Variants in CNTNAP2 observed in about 807,000 individuals in gnomAD.
CNTNAP2 encodes the protein contactin associated protein 2, also known as contactin-associated protein-like 2.
In CNTNAP2, 98 loss-of-function variants were observed where a neutral mutation model predicts 155.2. The observed-to-expected ratio is 0.63, with a 90% CI of 0.54 to 0.75. The LOEUF is 0.75. CNTNAP2 is among the 30% of genes least tolerant of loss of function. The pLI is 0.00. For missense variants in CNTNAP2, 1,727 were observed against 1,688.1 expected (o/e 1.02, Z -0.40); for synonymous variants, 651 against 631.2 (o/e 1.03, Z -0.47).
chr7:146,600,964 T>C (rs1383951937), intron 1 of CNTNAP2, among the ~76,000 whole-genome samples: 1 of 152,146 alleles, frequency 6.6e-6, no homozygotes, highest in African/African-American at 2.4e-5. Context: ...GAACTCCCTC[T>C]TGGGATGCTG....
intron 3 of CNTNAP2, among the ~76,000 whole-genome samples, chr7:146,862,007 A>G (rs1795111584): frequency 6.6e-6 from 1 of 152,124 alleles, no homozygotes; most frequent in African/African-American, 2.4e-5. Flanking sequence ...TTAATTATTA[A>G]TCCTGTGGTT....
intron 1 of CNTNAP2, among the ~76,000 whole-genome samples, chr7:146,279,429 AACACACACAC>A (rs60178387): frequency 0.012 from 1,746 of 144,700 alleles, 35 homozygotes; most frequent in African/African-American, 0.041. Context: ...CATTTCCTTA[AACACACACAC>A]ACACACACAC....
At chr7:146,963,357 T>A (rs17133799) in intron 3 of CNTNAP2, among the ~76,000 whole-genome samples, 6,496 of 152,272 alleles carry the variant, frequency 0.043, 157 homozygotes, top group Middle Eastern at 0.085. Context: ...CTTTGCTTAA[T>A]GCCATGAAAT....
chr7:146,413,711 C>T (rs940963), intron 1 of CNTNAP2, among the ~76,000 whole-genome samples: 5,418 of 152,206 alleles, frequency 0.036, 346 homozygotes, highest in African/African-American at 0.12. Flanking sequence ...TGCATTTGTA[C>T]TGCATGTGAG....
At chr7:146,670,644 G>A (rs1000930937) in intron 1 of CNTNAP2, among the ~76,000 whole-genome samples, 6 of 152,164 alleles carry the variant, frequency 3.9e-5, no homozygotes, top group East Asian at 1.9e-4. Flanking sequence ...ATATTCTCAC[G>A]TCTCAACTTA....
intron 21 of CNTNAP2, among the ~76,000 whole-genome samples, chr7:148,382,980 T>C (rs1445682609): frequency 6.6e-6 from 1 of 152,164 alleles, no homozygotes; most frequent in Admixed American, 6.5e-5. Context: ...CTGAGTTAGT[T>C]TGGGAAGATG....
chr7:148,066,783 C>T (rs1803274622), intron 15 of CNTNAP2, among the ~76,000 whole-genome samples: 2 of 152,162 alleles, frequency 1.3e-5, no homozygotes. Flanking sequence ...CAGGCGTGAG[C>T]CACCGCGCCC....
intron 11 of CNTNAP2, among the ~76,000 whole-genome samples, chr7:147,496,000 T>C (rs1563227362): frequency 6.6e-6 from 1 of 152,120 alleles, no homozygotes; most frequent in Non-Finnish European, 1.5e-5. Flanking sequence ...ATGCGAGGGA[T>C]GTAGGTTGCA....
intron 1 of CNTNAP2, among the ~76,000 whole-genome samples, chr7:146,552,404 C>G (rs779105833): frequency 2.6e-5 from 4 of 152,098 alleles, no homozygotes; most frequent in African/African-American, 4.8e-5. Context: ...TTAGACCTAA[C>G]GCATTAACTT....
intron 13 of CNTNAP2, among the ~76,000 whole-genome samples, chr7:147,661,607 C>T (rs1173157525): frequency 6.6e-6 from 1 of 150,832 alleles, no homozygotes; most frequent in Non-Finnish European, 1.5e-5. Context: ...GGCTGGAGTG[C>T]AGTGGCATGA....
intron 3 of CNTNAP2, among the ~76,000 whole-genome samples, chr7:146,942,817 C>T (rs1246204544): frequency 2.0e-5 from 3 of 152,082 alleles, no homozygotes; most frequent in Non-Finnish European, 4.4e-5. Context: ...TCCAAAATAT[C>T]GACATTGAAT....
intron 1 of CNTNAP2, among the ~76,000 whole-genome samples, chr7:146,168,890 T>C (rs181179871): frequency 1.5e-4 from 23 of 152,264 alleles, no homozygotes; most frequent in Admixed American, 3.3e-4. Flanking sequence ...TACAAACCAA[T>C]GTCTTTAAAG....
chr7:146,232,209 G>A (rs12671157), intron 1 of CNTNAP2, among the ~76,000 whole-genome samples: 26,743 of 150,608 alleles, frequency 0.18, 2,907 homozygotes, highest in East Asian at 0.3. Flanking sequence ...AGCTTGTTAT[G>A]TATATAAAAA....
intron 21 of CNTNAP2, among the ~76,000 whole-genome samples, chr7:148,363,194 G>A (rs1337857937): frequency 6.6e-6 from 1 of 152,124 alleles, no homozygotes; most frequent in Non-Finnish European, 1.5e-5. Flanking sequence ...TGTTGGCCTG[G>A]CTGGTCTCAA....
chr7:146,960,618 A>G (rs934793459), intron 3 of CNTNAP2, among the ~76,000 whole-genome samples: 13 of 152,212 alleles, frequency 8.5e-5, no homozygotes, highest in African/African-American at 3.1e-4. Flanking sequence ...TTTATCAACA[A>G]TCTGAGATGC....
In CNTNAP2 at chr7:146,239,632, TAATTTTCAAATC is replaced by T. The variant is rs199835503; in HGVS notation, c.97+122671_97+122682del. ...ATGGACAGATTGCATGTCAGATTCC[TAATTTTCAAATC>T]AATTTTCAAATTAATAATTTAATAA... On this transcript the variant is annotated intron_variant, in intron 1 of 23. Transcript: ENST00000361727. Among the ~76,000 whole-genome samples the T allele has an allele frequency of 4.1e-3, 620 of 152,350 alleles. 8 individuals carry two copies. The highest frequency in any genetic ancestry group is 0.03 in the East Asian group (155 of 5,188).
chr7:146,582,326 G>A (rs1374013176), intron 1 of CNTNAP2, among the ~76,000 whole-genome samples: 1 of 152,060 alleles, frequency 6.6e-6, no homozygotes, highest in Non-Finnish European at 1.5e-5. Context: ...AAAACAACTG[G>A]TTGGGTTTTC....
chr7:146,859,866 T>A (rs1043574013), intron 3 of CNTNAP2, among the ~76,000 whole-genome samples: 1 of 152,024 alleles, frequency 6.6e-6, no homozygotes, highest in Admixed American at 6.6e-5. Flanking sequence ...AAAGGAAATG[T>A]CTAAATTCAG....
chr7:146,481,697 C>T (rs906023364), intron 1 of CNTNAP2, among the ~76,000 whole-genome samples: 1 of 152,144 alleles, frequency 6.6e-6, no homozygotes, highest in Non-Finnish European at 1.5e-5. Flanking sequence ...AATTAATTAT[C>T]CTTAGCTCCT....
Sources: gnomAD v4.1 joint callset for allele counts (sites outside exome capture counted in the v4.1 genomes callset) on GRCh38, gnomAD v4.1.1 for gene constraint, MANE v1.5 for transcripts, NCBI Gene and HGNC (gene_info 2026-07-23, HGNC 2026-07-21) for gene names.